The following DOCK3 variants were observed in gnomAD, a reference collection of about 807,000 sequenced individuals.
The protein encoded by DOCK3 is dedicator of cytokinesis protein 3.
Under a neutral mutation model 265.6 loss-of-function variants are expected in DOCK3, and 60 were observed. The ratio of observed to expected loss-of-function variants is 0.23; its 90% CI spans 0.18 to 0.28. The LOEUF (loss-of-function observed/expected upper bound fraction) is 0.28, where lower values mean the gene tolerates loss of function less well. Among genes scored for constraint, DOCK3 ranks in the 10% least tolerant of loss-of-function variants. DOCK3 has a pLI of 1.00. For missense variants in DOCK3, 1,981 were observed against 2,594.3 expected, an observed-to-expected ratio of 0.76 and a Z score of 5.14; for synonymous variants, 881 against 938.0, an observed-to-expected ratio of 0.94 and a Z score of 1.11.
At chr3:51,039,281 C>G (rs1406123943) in intron 5 of DOCK3, among the ~76,000 whole-genome samples, 1 of 152,150 alleles carries the variant, frequency 6.6e-6, no homozygotes, top group African/African-American at 2.4e-5. Context: ...TAGGGGTGAG[C>G]CACCGTACCC....
chr3:51,063,624 T>G (rs189204606), intron 5 of DOCK3, among the ~76,000 whole-genome samples: 147 of 152,340 alleles, frequency 9.6e-4, no homozygotes, highest in African/African-American at 3.4e-3. Context: ...CCAAGAATTT[T>G]AATTATACAG....
In DOCK3 at chr3:51,150,182, G is replaced by A. The variant is rs965589587; in HGVS notation, c.828+3552G>A. On this transcript the variant is annotated intron_variant, in intron 10 of 52. Coordinates refer to ENST00000266037, the MANE Select transcript of DOCK3 (RefSeq NM_004947.5). ...TTTGTATTTCTGTAGGATCGGTGAC[G>A]ATATCCCCTTTTTCATTTTTTATTA... 9.2e-5 allele frequency among the ~76,000 whole-genome samples: 14 copies of A among 152,174 alleles called. No homozygotes were observed. The East Asian group carries it at 9.7e-4, about 11-fold the overall frequency.
intron 4 of DOCK3, among the ~76,000 whole-genome samples, chr3:50,916,463 C>T (rs560578327): frequency 6.6e-6 from 1 of 152,130 alleles, no homozygotes; most frequent in Admixed American, 6.5e-5. Context: ...CTCTTCTCAC[C>T]AGAGTTTGTA....
chr3:51,311,768 C>T (rs2083077281), intron 28 of DOCK3, among the ~76,000 whole-genome samples: 1 of 152,192 alleles, frequency 6.6e-6, no homozygotes. Context: ...AGGTCTAGAA[C>T]CCACTGATGT....
At chr3:51,044,291 G>C (rs1002688951) in intron 5 of DOCK3, among the ~76,000 whole-genome samples, 1 of 152,124 alleles carries the variant, frequency 6.6e-6, no homozygotes, top group Non-Finnish European at 1.5e-5. Context: ...CATGGATGGA[G>C]CTGGAGGCCA....
intron 9 of DOCK3, among the ~76,000 whole-genome samples, chr3:51,131,640 T>C (rs2084552346): frequency 6.6e-6 from 1 of 152,160 alleles, no homozygotes. Flanking sequence ...GTAGGCTTCC[T>C]ATCAACTTAA....
At chr3:51,281,091 T>A (rs1449994038) in intron 27 of DOCK3, among the ~76,000 whole-genome samples, 1 of 152,026 alleles carries the variant, frequency 6.6e-6, no homozygotes, top group Non-Finnish European at 1.5e-5. Flanking sequence ...GATTATATTG[T>A]TTATCTTTTC....
At chr3:51,130,186 C>T (rs1442323918) in intron 9 of DOCK3, among the ~76,000 whole-genome samples, 3 of 152,186 alleles carry the variant, frequency 2.0e-5, no homozygotes, top group Admixed American at 1.3e-4. Flanking sequence ...ATAAGTCCAA[C>T]GTGTTTGCTA....
chr3:51,203,953 G>A (rs901310978), intron 12 of DOCK3, among the ~76,000 whole-genome samples: 21 of 152,284 alleles, frequency 1.4e-4, no homozygotes, highest in African/African-American at 4.8e-4. Flanking sequence ...GGGAAAATTG[G>A]CTAGCAATAT....
chr3:51,349,764 C>T (rs1209283415), intron 39 of DOCK3, among the ~76,000 whole-genome samples: 1 of 152,116 alleles, frequency 6.6e-6, no homozygotes, highest in African/African-American at 2.4e-5. Context: ...GGAGTGAGTA[C>T]CAGTGCTGTT....
At position 51,075,450 on chromosome 3, in the gene DOCK3, C is replaced by CT; in HGVS notation, c.549+11dup. 6.3e-7 allele frequency: 1 copy of CT among 1,592,280 alleles called. No homozygotes were observed. ...AGATCTCTATAAGATGGTAAGAAAT[C>CT]TAACATGAGGTAGCTTGTTCCTGCA... On this transcript the variant is annotated intron_variant, in intron 7 of 52. Coordinates refer to ENST00000266037, the MANE Select transcript of DOCK3 (RefSeq NM_004947.5).
chr3:50,881,305 G>A (rs1251834280), intron 3 of DOCK3: 2 of 152,336 alleles, frequency 1.3e-5, no homozygotes, highest in Admixed American at 6.5e-5. Flanking sequence ...AAGAAATAAA[G>A]GGTGTTCAAT....
chr3:50,764,558 T>A (rs1054170844), intron 1 of DOCK3, among the ~76,000 whole-genome samples: 10 of 152,320 alleles, frequency 6.6e-5, no homozygotes, highest in African/African-American at 2.4e-4. Context: ...CACTGAGAGA[T>A]GACTGTGTGG....
chr3:51,294,527 A>C (rs1475682495), intron 27 of DOCK3, among the ~76,000 whole-genome samples: 1 of 152,050 alleles, frequency 6.6e-6, no homozygotes, highest in Non-Finnish European at 1.5e-5. Context: ...AAATACAAAA[A>C]AATAGCCAGG....
intron 49 of DOCK3, among the ~76,000 whole-genome samples, chr3:51,367,743 C>T (rs1475379356): frequency 6.6e-6 from 1 of 152,166 alleles, no homozygotes; most frequent in East Asian, 1.9e-4. Context: ...TTCTCCTTCA[C>T]TTATGAAGCT....
chr3:51,278,033 G>A (rs1352571194), intron 26 of DOCK3: 7 of 985,262 alleles, frequency 7.1e-6, no homozygotes, highest in Non-Finnish European at 8.4e-6. Context: ...CTATATTGTA[G>A]AATGAAGCTG....
At chr3:50,993,501 C>T (rs2078179033) in intron 5 of DOCK3, among the ~76,000 whole-genome samples, 1 of 152,182 alleles carries the variant, frequency 6.6e-6, no homozygotes, top group Non-Finnish European at 1.5e-5. Flanking sequence ...TTCAGATTGT[C>T]TCAAGGCAAC....
At chr3:50,805,981 C>T (rs1020402837) in intron 2 of DOCK3, among the ~76,000 whole-genome samples, 4 of 152,062 alleles carry the variant, frequency 2.6e-5, no homozygotes, top group Middle Eastern at 3.4e-3. Context: ...AGAGCTGTTT[C>T]TCAAGCCTGT....
chr3:51,098,569 T>C (rs2082959350), intron 9 of DOCK3, among the ~76,000 whole-genome samples: 1 of 152,222 alleles, frequency 6.6e-6, no homozygotes, highest in East Asian at 1.9e-4. Flanking sequence ...CGAGCACTTT[T>C]TTATTAAAGC....
Sources: gnomAD v4.1 joint callset for allele counts (sites outside exome capture counted in the v4.1 genomes callset) on GRCh38, gnomAD v4.1.1 for gene constraint, MANE v1.5 for transcripts, NCBI Gene and HGNC (gene_info 2026-07-23, HGNC 2026-07-21) for gene names.